UBL3: variants seen among roughly 807,000 people sequenced by gnomAD.
The protein encoded by UBL3 is ubiquitin-like protein 3.
A neutral mutation model predicts 18.4 loss-of-function variants in UBL3; 6 were observed. The observed-to-expected ratio is 0.33, with a 90% confidence interval of 0.18 to 0.64. The LOEUF (loss-of-function observed/expected upper bound fraction) is 0.64, where lower values mean the gene tolerates loss of function less well. Among genes scored for constraint, UBL3 ranks in the 30% least tolerant of loss-of-function variants. UBL3 has a pLI of 0.76. For missense variants in UBL3, 109 were observed against 142.9 expected, an observed-to-expected ratio of 0.76 and a Z score of 1.21; for synonymous variants, 49 against 46.6, an observed-to-expected ratio of 1.05 and a Z score of -0.21.
intron 1 of UBL3, among the ~76,000 whole-genome samples, chr13:29,805,549 A>G (rs1877879618): frequency 6.6e-6 from 1 of 152,182 alleles, no homozygotes; most frequent in Non-Finnish European, 1.5e-5. Flanking sequence ...TATATATGCT[A>G]TCTATCTTTT....
At position 29,766,510 on chromosome 13, in the gene UBL3, C is replaced by T. The variant is rs566869298; in HGVS notation, c.*745G>A. ...CCTCCCACATTAAGGCTAGGAGACG[C>T]ACTCTCACCCCTTCTTGTGCTGTCT... On this transcript the variant is annotated 3_prime_UTR_variant, in exon 5 of 5. Transcript: ENST00000380680. The T allele has an allele frequency of 6.6e-6, 1 of 152,662 alleles. No homozygotes were observed. The highest frequency in any genetic ancestry group is 2.4e-5 in the African/African-American group (1 of 41,540). 9.5% of individuals were successfully genotyped at this position (152,662 alleles called of 1,614,324 possible).
At chr13:29,795,003 G>T (rs1593658801) in intron 1 of UBL3, among the ~76,000 whole-genome samples, 1 of 152,302 alleles carries the variant, frequency 6.6e-6, no homozygotes, top group Non-Finnish European at 1.5e-5. Flanking sequence ...ACAAATTGTA[G>T]CCAAAACATT....
intron 1 of UBL3, among the ~76,000 whole-genome samples, chr13:29,849,174 G>A (rs1381752513): frequency 1.3e-5 from 2 of 152,126 alleles, no homozygotes; most frequent in Non-Finnish European, 2.9e-5. Flanking sequence ...CCTCAGCTCT[G>A]CCCACTGTCC....
intron 1 of UBL3, among the ~76,000 whole-genome samples, chr13:29,817,547 C>T (rs1241418279): frequency 6.6e-6 from 1 of 152,040 alleles, no homozygotes; most frequent in East Asian, 1.9e-4. Flanking sequence ...GGCAAAATAG[C>T]TGAAATGTAT....
intron 1 of UBL3, among the ~76,000 whole-genome samples, chr13:29,797,468 C>T (rs558970677): frequency 6.6e-6 from 1 of 152,130 alleles, no homozygotes; most frequent in East Asian, 1.9e-4. Flanking sequence ...TCATTTACAC[C>T]GGCCAAGATA....
At chr13:29,786,356 T>C (rs888177973) in intron 1 of UBL3, among the ~76,000 whole-genome samples, 1 of 152,202 alleles carries the variant, frequency 6.6e-6, no homozygotes, top group Non-Finnish European at 1.5e-5. Flanking sequence ...TTTTTCCTTC[T>C]GCCTAGAATG....
At chr13:29,829,387 G>C (rs542607982) in intron 1 of UBL3, among the ~76,000 whole-genome samples, 10 of 152,358 alleles carry the variant, frequency 6.6e-5, no homozygotes, top group African/African-American at 2.2e-4. Context: ...CCTCAGCAAT[G>C]GCGGGCGCCC....
chr13:29,837,707 A>C (rs1199674756), intron 1 of UBL3, among the ~76,000 whole-genome samples: 1 of 152,002 alleles, frequency 6.6e-6, no homozygotes, highest in Non-Finnish European at 1.5e-5. Context: ...AGGCAGGCGG[A>C]TCACTTGAGG....
chr13:29,792,566 A>G (rs962537101), intron 1 of UBL3, among the ~76,000 whole-genome samples: 5 of 152,166 alleles, frequency 3.3e-5, no homozygotes, highest in African/African-American at 1.2e-4. Flanking sequence ...TTGCAGTCCT[A>G]TTCAGCTCAG....
chr13:29,767,092 T>C lies in UBL3; in HGVS notation c.*163A>G. 7 of 591,082 alleles carry C rather than the reference T, an allele frequency of 1.2e-5. No individual in the cohort carries two copies. Among genetic ancestry groups the C allele is most frequent in the Non-Finnish European group, 1.9e-5 (7 of 366,256 alleles). 36.6% of individuals were successfully genotyped at this position (591,082 alleles called of 1,614,324 possible). A position where few individuals can be genotyped will look rare whatever the true frequency, so the allele number is the denominator to read the frequency against. On this transcript the variant is annotated 3_prime_UTR_variant, in exon 5 of 5. Transcript: ENST00000380680. Reference sequence around the variant, plus strand: ...TCAGAGTGAAAAATGTTCTTGGTTCTTTTTACTTTCATGAGAAAAGATGAC... The same window carrying C: ...TCAGAGTGAAAAATGTTCTTGGTTCCTTTTACTTTCATGAGAAAAGATGAC...
chr13:29,805,423 G>A (rs898436202), intron 1 of UBL3, among the ~76,000 whole-genome samples: 2 of 152,090 alleles, frequency 1.3e-5, no homozygotes, highest in Non-Finnish European at 2.9e-5. Flanking sequence ...TTCTTGGCCC[G>A]GGCCCCCTCT....
chr13:29,803,673 C>A (rs181376010), intron 1 of UBL3, among the ~76,000 whole-genome samples: 1 of 151,374 alleles, frequency 6.6e-6, no homozygotes, highest in East Asian at 1.9e-4. Context: ...TGTAAACCCA[C>A]AAAGATCAAA....
chr13:29,782,608 G>A (rs1877206195), intron 1 of UBL3, among the ~76,000 whole-genome samples: 1 of 152,102 alleles, frequency 6.6e-6, no homozygotes, highest in Non-Finnish European at 1.5e-5. Flanking sequence ...TCAGGAAACT[G>A]CCTAGTTCCA....
intron 1 of UBL3, among the ~76,000 whole-genome samples, chr13:29,833,116 G>C (rs575293500): frequency 6.6e-6 from 1 of 152,338 alleles, no homozygotes; most frequent in Non-Finnish European, 1.5e-5. Flanking sequence ...GAGCATTAAT[G>C]CTGTCATGGT....
intron 1 of UBL3, among the ~76,000 whole-genome samples, chr13:29,816,210 ATAATAT>A (rs1329307223): frequency 1.3e-5 from 2 of 152,176 alleles, no homozygotes; most frequent in East Asian, 3.8e-4. Context: ...TTATTATTGA[ATAATAT>A]TAATATTATT....
intron 1 of UBL3, among the ~76,000 whole-genome samples, chr13:29,805,790 T>A (rs1224820855): frequency 1.3e-5 from 2 of 152,220 alleles, no homozygotes; most frequent in Non-Finnish European, 2.9e-5. Flanking sequence ...AATAAATTCT[T>A]AAAAATTCTA....
chr13:29,791,931 T>TA (rs1877490210), intron 1 of UBL3, among the ~76,000 whole-genome samples: 1 of 152,194 alleles, frequency 6.6e-6, no homozygotes. Context: ...TCTGAAAACT[T>TA]AAACTGGTCT....
rs368426933 is a variant in UBL3 at position 29,802,251 on chromosome 13, C to A, written c.28-24988G>T. On this transcript the variant is annotated intron_variant, in intron 1 of 4. Coordinates refer to ENST00000380680, the MANE Select transcript of UBL3 (RefSeq NM_007106.4). ...ACAAGAACTCAGTGACAAATAAAGA[C>A]CCTGCACAAATAAAAGGACAAGGCA... 1.6e-4 allele frequency among the ~76,000 whole-genome samples: 24 copies of A among 152,320 alleles called. No individual in the cohort carries two copies. The East Asian group carries it at 2.7e-3, about 17-fold the overall frequency.
intron 1 of UBL3, among the ~76,000 whole-genome samples, chr13:29,835,148 ATATATAT>A: frequency 4.4e-5 from 1 of 22,650 alleles, no homozygotes; most frequent in African/African-American, 1.8e-4. Flanking sequence ...ATATATATAT[ATATATAT>A]ATATATATAT....
Sources: allele counts gnomAD v4.1 joint callset (sites outside exome capture counted in the v4.1 genomes callset), GRCh38; gene constraint gnomAD v4.1.1; transcripts MANE v1.5; gene names NCBI Gene and HGNC (gene_info 2026-07-23, HGNC 2026-07-21).